Variants in NR3C2 observed in about 807,000 individuals in gnomAD.
The protein encoded by NR3C2 is nuclear receptor subfamily 3 group C member 2.
In NR3C2, 15 loss-of-function variants were observed where a neutral mutation model predicts 86.4. That is an observed-to-expected ratio of 0.17 (90% CI 0.12 to 0.27). NR3C2 has a LOEUF of 0.27. Among genes scored for constraint, NR3C2 ranks in the 10% least tolerant of loss-of-function variants. The pLI is 1.00. For missense variants in NR3C2, 960 were observed against 1,195.6 expected, an observed-to-expected ratio of 0.80 and a Z score of 2.91; for synonymous variants, 458 against 450.5, an observed-to-expected ratio of 1.02 and a Z score of -0.21.
At position 148,361,488 on chromosome 4, in the gene NR3C2, T is replaced by C. The variant is rs929417079; in HGVS notation, c.1757+73616A>G. On this transcript the variant is annotated intron_variant, in intron 2 of 8. Coordinates refer to ENST00000358102, the MANE Select transcript of NR3C2 (RefSeq NM_000901.5). ...CTTGCCCAGAAGTAGCTCTGTAAGT[T>C]ACTGCCCTTAGGGGCCTCTGAGATT... Among the ~76,000 whole-genome samples the C allele has an allele frequency of 5.9e-5, 9 of 152,350 alleles. No individual in the cohort carries two copies. The East Asian group carries it at 1.3e-3, about 23-fold the overall frequency.
intron 2 of NR3C2, among the ~76,000 whole-genome samples, chr4:148,288,129 G>A (rs1741620444): frequency 1.3e-5 from 2 of 152,210 alleles, no homozygotes; most frequent in East Asian, 3.9e-4. Context: ...TTGATACCAC[G>A]GTATAAGTGA....
At chr4:148,102,508 C>T (rs891382161) in intron 8 of NR3C2, among the ~76,000 whole-genome samples, 5 of 152,200 alleles carry the variant, frequency 3.3e-5, no homozygotes, top group African/African-American at 1.2e-4. Flanking sequence ...CAGCTATCTA[C>T]TTCCAACTCT....
chr4:148,312,840 C>CT (rs926119220), intron 2 of NR3C2, among the ~76,000 whole-genome samples: 249 of 151,768 alleles, frequency 1.6e-3, no homozygotes, highest in South Asian at 5.6e-3. Flanking sequence ...TATAAAAAGG[C>CT]TTTTTTTTAT....
rs139456909 is a variant in NR3C2, at chr4:148,194,051, T to C, written c.2014+695A>G. On this transcript the variant is annotated intron_variant, in intron 4 of 8. Transcript: ENST00000358102. The stretch of plus-strand genomic sequence containing the variant: ...CAAATACCACGGACTATTTTAATTA[T>C]TGTAGCTATAATATGCTTTCCTATC... Among the ~76,000 whole-genome samples, 9 of 152,374 alleles carry C rather than the reference T, an allele frequency of 5.9e-5. No homozygotes were observed. The East Asian group carries it at 1.5e-3, about 26-fold the overall frequency.
At chr4:148,146,663 G>T (rs956897354) in intron 6 of NR3C2, 1 of 152,248 alleles carries the variant, frequency 6.6e-6, no homozygotes, top group Non-Finnish European at 1.5e-5. Context: ...GGTGTGGGTG[G>T]AAGTCACCTT....
chr4:148,426,877 T>C lies in NR3C2; in HGVS notation c.1757+8227A>G, dbSNP rs561927623. Among the ~76,000 whole-genome samples the C allele has an allele frequency of 1.2e-4, 19 of 152,282 alleles. No homozygotes were observed. In the East Asian group the frequency reaches 3.1e-3, roughly 25 times the overall value. On this transcript the variant is annotated intron_variant, in intron 2 of 8. Coordinates refer to ENST00000358102, the MANE Select transcript of NR3C2 (RefSeq NM_000901.5). ...AAGAATGTTTCCAATCATAGGTAGGTCTGGCACTTAAAACTCATGTAGCCA... is the reference window on the plus strand; with the variant it reads ...AAGAATGTTTCCAATCATAGGTAGGCCTGGCACTTAAAACTCATGTAGCCA...
chr4:148,356,218 C>T (rs1745543751), intron 2 of NR3C2, among the ~76,000 whole-genome samples: 1 of 152,144 alleles, frequency 6.6e-6, no homozygotes, highest in African/African-American at 2.4e-5. Flanking sequence ...ATGATCACTG[C>T]ATATTTGAGA....
chr4:148,334,438 A>G (rs12641579), intron 2 of NR3C2, among the ~76,000 whole-genome samples: 151,262 of 152,324 alleles, frequency 0.99, 75,114 homozygotes, highest in East Asian at 1. Flanking sequence ...AGCTACTCAC[A>G]AGGCTGAGGC....
chr4:148,316,252 A>G (rs1255166227), intron 2 of NR3C2, among the ~76,000 whole-genome samples: 1 of 152,186 alleles, frequency 6.6e-6, no homozygotes, highest in Non-Finnish European at 1.5e-5. Flanking sequence ...TACATATAAT[A>G]TAGTGGTCAT....
chr4:148,162,790 C>T (rs781151773), intron 4 of NR3C2, among the ~76,000 whole-genome samples: 3 of 152,116 alleles, frequency 2.0e-5, no homozygotes, highest in Non-Finnish European at 2.9e-5. Context: ...GGTGGGTGGA[C>T]AGTGGATTGA....
intron 2 of NR3C2, among the ~76,000 whole-genome samples, chr4:148,329,945 T>A (rs1217205161): frequency 6.6e-6 from 1 of 152,222 alleles, no homozygotes; most frequent in Non-Finnish European, 1.5e-5. Flanking sequence ...CTTGAGCAGT[T>A]CCATGTCTGG....
At chr4:148,108,785 T>A (rs1465027300) in intron 8 of NR3C2, among the ~76,000 whole-genome samples, 1 of 152,144 alleles carries the variant, frequency 6.6e-6, no homozygotes, top group Non-Finnish European at 1.5e-5. Flanking sequence ...CCAACTAACA[T>A]TTTGTTTTGG....
intron 3 of NR3C2, among the ~76,000 whole-genome samples, chr4:148,242,814 G>A (rs561710250): frequency 1.0e-3 from 154 of 151,966 alleles, no homozygotes; most frequent in Non-Finnish European, 1.9e-3. Context: ...AAGAAGCTGA[G>A]GTATATCAGT....
At chr4:148,303,375 G>A (rs1477406444) in intron 2 of NR3C2, among the ~76,000 whole-genome samples, 5 of 152,226 alleles carry the variant, frequency 3.3e-5, no homozygotes, top group Middle Eastern at 6.8e-3. Context: ...TGAAAATCCT[G>A]CCAGGTGATG....
intron 2 of NR3C2, among the ~76,000 whole-genome samples, chr4:148,412,957 G>A (rs1748783867): frequency 6.6e-6 from 1 of 152,182 alleles, no homozygotes; most frequent in African/African-American, 2.4e-5. Flanking sequence ...TCCAGTCTGT[G>A]TGGCCTTGTA....
At chr4:148,118,173 C>T (rs190696321) in intron 7 of NR3C2, among the ~76,000 whole-genome samples, 10 of 152,300 alleles carry the variant, frequency 6.6e-5, no homozygotes, top group African/African-American at 2.4e-4. Context: ...TAATCCTGTC[C>T]TCTGTTGTCT....
chr4:148,214,510 T>C (rs757570960), intron 3 of NR3C2, among the ~76,000 whole-genome samples: 1 of 152,208 alleles, frequency 6.6e-6, no homozygotes, highest in East Asian at 1.9e-4. Context: ...TTTGGCTCCA[T>C]GACCATTTAG....
intron 2 of NR3C2, among the ~76,000 whole-genome samples, chr4:148,266,694 C>T (rs1740412302): frequency 6.6e-6 from 1 of 152,140 alleles, no homozygotes; most frequent in South Asian, 2.1e-4. Flanking sequence ...ATCTTATTAA[C>T]ATTTTAAAAT....
chr4:148,398,368 G>A (rs962938457), intron 2 of NR3C2, among the ~76,000 whole-genome samples: 2 of 152,196 alleles, frequency 1.3e-5, no homozygotes, highest in South Asian at 4.1e-4. Flanking sequence ...AATCAAGTAA[G>A]TATGAGAAAT....
Sources: gnomAD v4.1 joint callset for allele counts (sites outside exome capture counted in the v4.1 genomes callset) on GRCh38, gnomAD v4.1.1 for gene constraint, MANE v1.5 for transcripts, NCBI Gene and HGNC (gene_info 2026-07-23, HGNC 2026-07-21) for gene names.